Variants in FRMD3 observed in about 807,000 individuals in gnomAD.
The protein encoded by FRMD3 is FERM domain containing 3, also known as FERM domain-containing protein 3.
In FRMD3, 33 loss-of-function variants were observed where a neutral mutation model predicts 70.2. The observed-to-expected ratio is 0.47, with a 90% confidence interval of 0.36 to 0.63. The LOEUF (loss-of-function observed/expected upper bound fraction) is 0.63, where lower values mean the gene tolerates loss of function less well. Ranked by LOEUF, FRMD3 falls within the 20% of genes least tolerant of loss-of-function variation. The pLI is 0.00. For synonymous variants in FRMD3, 279 were observed against 255.9 expected, an observed-to-expected ratio of 1.09 and a Z score of -0.86; for missense variants, 632 against 711.4, an observed-to-expected ratio of 0.89 and a Z score of 1.27.
rs57159544 is a variant in FRMD3, at chr9:83,395,770, T to TAA, written c.148-6064_148-6063dup. On this transcript the variant is annotated intron_variant, in intron 1 of 13. Coordinates refer to ENST00000304195, the MANE Select transcript of FRMD3 (RefSeq NM_174938.6). ...AAGTCAGCAATAGCTTTTCTTCAATTAAAAAAAAAAAAAAGTCTGGCAGAT... is the reference window on the plus strand; with the variant it reads ...AAGTCAGCAATAGCTTTTCTTCAATTAAAAAAAAAAAAAAAAGTCTGGCAGAT... 2.1e-3 allele frequency among the ~76,000 whole-genome samples: 297 copies of TAA among 141,644 alleles called. 1 individual carries two copies. Among genetic ancestry groups the TAA allele is most frequent in the Non-Finnish European group, 3.8e-3 (244 of 64,606 alleles). The allele number at this position is 141,644 out of a possible 152,430, so 92.9% of individuals were successfully genotyped here. A position where few individuals can be genotyped will look rare whatever the true frequency, so the allele number is the denominator to read the frequency against.
At chr9:83,443,279 A>G (rs1394889104) in intron 1 of FRMD3, among the ~76,000 whole-genome samples, 1 of 152,110 alleles carries the variant, frequency 6.6e-6, no homozygotes, top group Non-Finnish European at 1.5e-5. Context: ...TCCTAATGCT[A>G]TCCCTCCCCT....
chr9:83,264,572 T>C (rs550235167), intron 13 of FRMD3, among the ~76,000 whole-genome samples: 1 of 152,306 alleles, frequency 6.6e-6, no homozygotes, highest in East Asian at 1.9e-4. Context: ...ATTCCCCATA[T>C]GTGGAAAATT....
intron 12 of FRMD3, 114 bp from the exon 13 acceptor site, chr9:83,290,841 A>G: frequency 9.2e-7 from 1 of 1,090,262 alleles, no homozygotes; most frequent in South Asian, 1.6e-5. Flanking sequence ...ACCTCCAGAC[A>G]CAGTGAATTG....
chr9:83,479,287 A>T (rs1201748676), intron 1 of FRMD3, among the ~76,000 whole-genome samples: 1 of 48,866 alleles, frequency 2.0e-5, no homozygotes, highest in East Asian at 3.2e-4. Flanking sequence ...GTGTCTCTAA[A>T]AGAAGAAGAA....
At chr9:83,515,293 A>C (rs567501876) in intron 1 of FRMD3, among the ~76,000 whole-genome samples, 87 of 152,360 alleles carry the variant, frequency 5.7e-4, no homozygotes, top group African/African-American at 2.1e-3. Context: ...GATGGAGCTG[A>C]AAAACACAGC....
intron 1 of FRMD3, among the ~76,000 whole-genome samples, chr9:83,521,651 T>A (rs1829573906): frequency 6.6e-6 from 1 of 152,228 alleles, no homozygotes; most frequent in Admixed American, 6.5e-5. Context: ...GTTGTCTTAA[T>A]TATTCCCTAA....
Position 83,372,961 on chromosome 9 carries a change from G to C in FRMD3, c.253-6C>G. Reference sequence around the variant, plus strand: ...TTGTTAGGTTCAAGCCAGTGCTAGGGAGGAAAAAAAAAAAAGCAGAGATCA... The same window carrying C: ...TTGTTAGGTTCAAGCCAGTGCTAGGCAGGAAAAAAAAAAAAGCAGAGATCA... On this transcript the variant is annotated splice_region_variant and splice_polypyrimidine_tract_variant and intron_variant, in intron 2 of 13. Transcript: ENST00000304195. The C allele has an allele frequency of 6.3e-7, 1 of 1,575,814 alleles. No homozygotes were observed. The highest frequency in any genetic ancestry group is 8.6e-7 in the Non-Finnish European group (1 of 1,167,042).
At chr9:83,444,545 G>T (rs1268160849) in intron 1 of FRMD3, among the ~76,000 whole-genome samples, 1 of 152,164 alleles carries the variant, frequency 6.6e-6, no homozygotes, top group Non-Finnish European at 1.5e-5. Flanking sequence ...AGTGAAGTTA[G>T]TTCTCCCTGT....
chr9:83,528,283 G>C (rs1413098707), intron 1 of FRMD3, among the ~76,000 whole-genome samples: 2 of 137,734 alleles, frequency 1.5e-5, no homozygotes, highest in East Asian at 3.9e-4. Context: ...TTAATATTTT[G>C]AATATAAACG....
intron 3 of FRMD3, among the ~76,000 whole-genome samples, chr9:83,368,634 A>G (rs1346451998): frequency 6.6e-6 from 1 of 152,224 alleles, no homozygotes; most frequent in Non-Finnish European, 1.5e-5. Flanking sequence ...CTCTTCCTTC[A>G]TAAACTTGAA....
intron 13 of FRMD3, among the ~76,000 whole-genome samples, chr9:83,274,533 A>C (rs1383727865): frequency 1.3e-5 from 2 of 152,260 alleles, no homozygotes; most frequent in Non-Finnish European, 2.9e-5. Flanking sequence ...AAAAGAAAAA[A>C]GAACAGCCAG....
intron 2 of FRMD3, among the ~76,000 whole-genome samples, chr9:83,385,740 G>GAA (rs148223409): frequency 0.014 from 2,104 of 146,726 alleles, 16 homozygotes; most frequent in South Asian, 0.036. Flanking sequence ...AGGAGCTGGT[G>GAA]AAAAAAAAAA....
chr9:83,517,052 T>C (rs1829469158), intron 1 of FRMD3, among the ~76,000 whole-genome samples: 1 of 151,870 alleles, frequency 6.6e-6, no homozygotes, highest in Non-Finnish European at 1.5e-5. Flanking sequence ...AACATCACAA[T>C]TAAAAGAACT....
intron 1 of FRMD3, among the ~76,000 whole-genome samples, chr9:83,431,971 C>A (rs1051750243): frequency 2.0e-5 from 3 of 152,252 alleles, no homozygotes; most frequent in East Asian, 1.9e-4. Flanking sequence ...TCAGAGAAAC[C>A]CTAGCACTCT....
chr9:83,252,202 T>C (rs549329806), intron 13 of FRMD3, among the ~76,000 whole-genome samples: 12 of 151,932 alleles, frequency 7.9e-5, no homozygotes, highest in South Asian at 4.2e-4. Flanking sequence ...CAAGAAGAGA[T>C]TGGGGGCCAA....
intron 6 of FRMD3, among the ~76,000 whole-genome samples, chr9:83,318,815 T>G (rs1250570201): frequency 6.6e-6 from 1 of 152,226 alleles, no homozygotes; most frequent in Non-Finnish European, 1.5e-5. Flanking sequence ...CATCTGTTGT[T>G]TTTTGACTTT....
intron 1 of FRMD3, among the ~76,000 whole-genome samples, chr9:83,418,664 CTG>C (rs1451044749): frequency 1.3e-5 from 2 of 152,186 alleles, no homozygotes; most frequent in Non-Finnish European, 2.9e-5. Context: ...AAAGGGAACA[CTG>C]TTACACTGCT....
chr9:83,322,873 T>G (rs1053510741), intron 6 of FRMD3, among the ~76,000 whole-genome samples: 1 of 152,204 alleles, frequency 6.6e-6, no homozygotes, highest in African/African-American at 2.4e-5. Context: ...GACTAGCTGT[T>G]TGAAATATAT....
intron 13 of FRMD3, among the ~76,000 whole-genome samples, chr9:83,269,532 C>A (rs1833446482): frequency 6.6e-6 from 1 of 152,008 alleles, no homozygotes; most frequent in African/African-American, 2.4e-5. Context: ...CATGGTGAAA[C>A]CCCATCTCTA....
Sources: allele counts gnomAD v4.1 joint callset (sites outside exome capture counted in the v4.1 genomes callset), GRCh38; gene constraint gnomAD v4.1.1; transcripts MANE v1.5; gene names NCBI Gene and HGNC (gene_info 2026-07-23, HGNC 2026-07-21).